The following LBR variants were observed in gnomAD, a reference collection of about 807,000 sequenced individuals.
LBR encodes the protein lamin B receptor, also known as delta(14)-sterol reductase LBR.
LBR carries 28 observed loss-of-function variants against 74.3 expected under a neutral mutation model. The ratio of observed to expected loss-of-function variants is 0.38; its 90% confidence interval spans 0.28 to 0.52. The LOEUF is 0.52. LBR is among the 20% of genes least tolerant of loss of function. The probability of loss-of-function intolerance (pLI) is 0.89; values close to 1 mark genes in which losing one functional copy is unlikely to be tolerated. For missense variants in LBR, 717 were observed against 760.3 expected, an observed-to-expected ratio of 0.94 and a Z score of 0.67; for synonymous variants, 228 against 269.3, an observed-to-expected ratio of 0.85 and a Z score of 1.50.
chr1:225,425,564 G>A (rs1285052666), intron 1 of LBR, among the ~76,000 whole-genome samples: 1 of 152,194 alleles, frequency 6.6e-6, no homozygotes, highest in Non-Finnish European at 1.5e-5. Flanking sequence ...CAGGGGGGCA[G>A]TGAACACCTC....
intron 10 of LBR, among the ~76,000 whole-genome samples, chr1:225,409,923 A>G (rs1181969817): frequency 6.6e-6 from 1 of 152,246 alleles, no homozygotes; most frequent in Non-Finnish European, 1.5e-5. Flanking sequence ...TTTAAAAACT[A>G]GGTGACTCTT....
chr1:225,418,270 G>A lies in LBR; in HGVS notation c.641-90C>T, dbSNP rs373592715. ...GTTAGATTTGTTAAGATCAGAACTC[G>A]TTATCTGGCTAACTGTCTGAAACCA... On this transcript the variant is annotated intron_variant, in intron 5 of 13. Coordinates refer to ENST00000272163, the MANE Select transcript of LBR (RefSeq NM_002296.4). 1.0e-4 allele frequency: 140 copies of A among 1,356,658 alleles called. No individual in the cohort carries two copies. In the African/African-American group the frequency reaches 1.4e-3, roughly 13 times the overall value. 84.0% of individuals were successfully genotyped at this position (1,356,658 alleles called of 1,614,324 possible).
chr1:225,407,599 C>G (rs1480875200), intron 10 of LBR, among the ~76,000 whole-genome samples: 1 of 151,934 alleles, frequency 6.6e-6, no homozygotes, highest in Non-Finnish European at 1.5e-5. Flanking sequence ...CTCTAGAATA[C>G]GGAACCACCA....
chr1:225,426,381 C>G (rs991869589), intron 1 of LBR, among the ~76,000 whole-genome samples: 44 of 152,224 alleles, frequency 2.9e-4, no homozygotes, highest in African/African-American at 1.1e-3. Context: ...ACAGGATTTT[C>G]TTACAAGAGA....
At chr1:225,419,626 A>G (rs1014686192) in intron 4 of LBR, 89 bp downstream of exon 4, 9 of 1,093,130 alleles carry the variant, frequency 8.2e-6, no homozygotes, top group Non-Finnish European at 1.1e-5. Context: ...AAATATTACA[A>G]TTTTCAATGT....
upstream of LBR, among the ~76,000 whole-genome samples, chr1:225,428,278 C>G (rs1266891373): frequency 3.3e-5 from 5 of 152,110 alleles, no homozygotes; most frequent in Non-Finnish European, 7.4e-5. Context: ...GCGGGGGAAA[C>G]CGAGTCTGGC....
intron 7 of LBR, among the ~76,000 whole-genome samples, chr1:225,414,792 G>A (rs933505287): frequency 6.6e-6 from 1 of 152,176 alleles, no homozygotes; most frequent in Admixed American, 6.5e-5. Context: ...ACAGAGCAGG[G>A]GAGAGAAAGG....
chr1:225,412,713 C>T, intron 7 of LBR, 68 bp from the exon 8 acceptor site: 1 of 1,327,532 alleles, frequency 7.5e-7, no homozygotes, highest in Non-Finnish European at 1.0e-6. Context: ...AAACTTACGC[C>T]ACTATGAAAC....
intron 9 of LBR, among the ~76,000 whole-genome samples, chr1:225,410,920 T>C (rs2096103857): frequency 6.6e-6 from 1 of 152,194 alleles, no homozygotes; most frequent in Admixed American, 6.5e-5. Context: ...CTGTTCTTCA[T>C]CACTACACTA....
Position 225,428,022 on chromosome 1 carries a change from T to G in LBR, c.-83A>C, listed in dbSNP as rs1448139897. ...AGTCGCACAGCAACCCGGCGGCAGA[T>G]CCACGCGCGCGACGCTACCCGGCCG... On this transcript the variant is annotated 5_prime_UTR_variant, in exon 1 of 14. Coordinates refer to ENST00000272163, the MANE Select transcript of LBR (RefSeq NM_002296.4). 1 of 151,838 alleles carries G rather than the reference T, an allele frequency of 6.6e-6. No individual in the cohort carries two copies. The highest frequency in any genetic ancestry group is 1.5e-5 in the Non-Finnish European group (1 of 67,988). 9.4% of individuals were successfully genotyped at this position (151,838 alleles called of 1,614,324 possible).
chr1:225,405,809 T>C (rs1457272647), intron 11 of LBR, among the ~76,000 whole-genome samples: 1 of 152,244 alleles, frequency 6.6e-6, no homozygotes, highest in Non-Finnish European at 1.5e-5. Context: ...ATGGATGACA[T>C]GGACATCCAA....
At position 225,412,587 on chromosome 1, in the gene LBR, T is replaced by A. The variant is rs199748938; in HGVS notation, c.951A>T (p.Val317=). The change falls in exon 8 of 14, where the codon GTA becomes GTT. Residue 317 remains valine, a synonymous_variant. Coordinates refer to ENST00000272163, the MANE Select transcript of LBR (RefSeq NM_002296.4). ...AVIGTSLFQG[V]EFHYVYSHFL... ...AATGACTGTACACGTAATGAAACTC[T>A]ACGCCCTGGAAGAGAGATGTTCCGA... 5.6e-6 allele frequency: 9 copies of A among 1,612,722 alleles called. No homozygotes were observed. The South Asian group carries it at 9.9e-5, about 18-fold the overall frequency.
chr1:225,424,216 G>C, intron 1 of LBR, 127 bp from the exon 2 acceptor site: 1 of 774,630 alleles, frequency 1.3e-6, no homozygotes, highest in Non-Finnish European at 2.3e-6. Context: ...GGGCCAGAAA[G>C]GCTACATTCA....
chr1:225,403,419 T>G lies in LBR; in HGVS notation c.1732A>C (p.Met578Leu). 6.2e-7 allele frequency: 1 copy of G among 1,610,666 alleles called. No homozygotes were observed. Among genetic ancestry groups the G allele is most frequent in the South Asian group, 1.1e-5 (1 of 90,892 alleles). ...LPYFYIIYFT[M>L]LLVHREARDE... ...CGAGCTTCTCGGTGGACAAGCAACA[T>G]GGTGAAATAAATTATGTAGAAATAA... Residue 578 changes from methionine (M) to leucine (L), a missense_variant, in exon 14 of 14, where the codon ATG becomes CTG. Transcript: ENST00000272163.
chr1:225,410,446 CA>C (rs754151885), intron 9 of LBR, 30 bp from the exon 10 acceptor site: 9 of 1,612,160 alleles, frequency 5.6e-6, no homozygotes, highest in Middle Eastern at 1.6e-4. Flanking sequence ...TATATAGCCT[CA>C]AAGCACCTCC....
At chr1:225,426,450 T>C (rs2096139256) in intron 1 of LBR, among the ~76,000 whole-genome samples, 1 of 152,220 alleles carries the variant, frequency 6.6e-6, no homozygotes, top group Non-Finnish European at 1.5e-5. Flanking sequence ...AATGTCCTCA[T>C]TCGCCATAAA....
chr1:225,409,055 A>G (rs943747810), intron 10 of LBR, among the ~76,000 whole-genome samples: 7 of 152,248 alleles, frequency 4.6e-5, no homozygotes, highest in African/African-American at 1.7e-4. Context: ...TCATTCTATA[A>G]CAGCAAACAA....
At chr1:225,410,450 G>A in intron 9 of LBR, 34 bp from the exon 10 acceptor site, 3 of 1,611,510 alleles carry the variant, frequency 1.9e-6, no homozygotes, top group Non-Finnish European at 2.5e-6. Context: ...TAGCCTCAAA[G>A]CACCTCCCCA....
intron 2 of LBR, among the ~76,000 whole-genome samples, chr1:225,422,992 C>T (rs2096130836): frequency 6.6e-6 from 1 of 152,210 alleles, no homozygotes; most frequent in South Asian, 2.1e-4. Flanking sequence ...CCTGGAGCCG[C>T]TCCCATAAAG....
Sources: allele counts gnomAD v4.1 joint callset (sites outside exome capture counted in the v4.1 genomes callset), GRCh38; gene constraint gnomAD v4.1.1; transcripts MANE v1.5; gene names NCBI Gene and HGNC (gene_info 2026-07-23, HGNC 2026-07-21).